CADPS2: variants seen among roughly 807,000 people sequenced by gnomAD.
The protein encoded by CADPS2 is calcium dependent secretion activator 2, also known as calcium-dependent secretion activator 2.
Under a neutral mutation model 172.5 loss-of-function variants are expected in CADPS2, and 93 were observed. That is an observed-to-expected ratio of 0.54 (90% CI 0.46 to 0.64). The LOEUF is 0.64. CADPS2 is among the 30% of genes least tolerant of loss of function. The pLI, the probability that CADPS2 is intolerant of heterozygous loss-of-function variation, is 0.00. For synonymous variants in CADPS2, 546 were observed against 555.2 expected (o/e 0.98, Z 0.23); for missense variants, 1,420 against 1,565.9 (o/e 0.91, Z 1.57).
At chr7:122,437,239 G>A (rs945912203) in intron 17 of CADPS2, among the ~76,000 whole-genome samples, 6 of 152,086 alleles carry the variant, frequency 3.9e-5, no homozygotes, top group Admixed American at 2.6e-4. Context: ...AGTTAAAATG[G>A]TAACTAAGGA....
rs1444799384 is a variant in CADPS2, at chr7:122,409,753, T to C, written c.2590-2057A>G. 3.2e-5 allele frequency: 13 copies of C among 404,970 alleles called. No individual in the cohort carries two copies. The East Asian group carries it at 8.9e-4, about 28-fold the overall frequency. The allele number at this position is 404,970 out of a possible 1,614,324, so 25.1% of individuals were successfully genotyped here. A position where few individuals can be genotyped will look rare whatever the true frequency, so the allele number is the denominator to read the frequency against. ...CCTTCTCTTTCTTGCCATCCCACCC[T>C]GGGTTGGTAGGAAGATGAGGGGCTG... On this transcript the variant is annotated intron_variant, in intron 19 of 29. Coordinates refer to ENST00000449022, the MANE Select transcript of CADPS2 (RefSeq NM_017954.11).
intron 20 of CADPS2, among the ~76,000 whole-genome samples, chr7:122,404,066 C>T (rs987428576): frequency 6.6e-6 from 1 of 152,076 alleles, no homozygotes; most frequent in African/African-American, 2.4e-5. Flanking sequence ...TATGTATACA[C>T]GTGCCATGCT....
chr7:122,851,153 T>C (rs1813472649), intron 1 of CADPS2, among the ~76,000 whole-genome samples: 1 of 152,124 alleles, frequency 6.6e-6, no homozygotes, highest in Non-Finnish European at 1.5e-5. Context: ...GCAAAAGACA[T>C]CTTGCAGTAG....
At chr7:122,343,024 C>T (rs1261961079) in intron 28 of CADPS2, among the ~76,000 whole-genome samples, 1 of 152,148 alleles carries the variant, frequency 6.6e-6, no homozygotes, top group Non-Finnish European at 1.5e-5. Flanking sequence ...TTAAGATACA[C>T]ATTCTACTTT....
chr7:122,803,129 G>A (rs1187157428), intron 1 of CADPS2, among the ~76,000 whole-genome samples: 1 of 151,922 alleles, frequency 6.6e-6, no homozygotes, highest in East Asian at 1.9e-4. Flanking sequence ...TATTACCTTT[G>A]TCACAACATA....
intron 28 of CADPS2, among the ~76,000 whole-genome samples, chr7:122,338,726 C>G (rs531029437): frequency 2.7e-4 from 41 of 152,106 alleles, no homozygotes; most frequent in Non-Finnish European, 2.9e-5. Flanking sequence ...AAGAGGAAAA[C>G]TGCTATTTTA....
intron 13 of CADPS2, among the ~76,000 whole-genome samples, chr7:122,472,807 TAAAC>T (rs1371342612): frequency 2.6e-5 from 4 of 152,138 alleles, no homozygotes; most frequent in African/African-American, 9.7e-5. Context: ...TTATACTTAA[TAAAC>T]AATCTATAAA....
At chr7:122,664,959 GTAT>G (rs1423980184) in intron 2 of CADPS2, among the ~76,000 whole-genome samples, 3 of 80,788 alleles carry the variant, frequency 3.7e-5, no homozygotes, top group East Asian at 3.8e-4. Context: ...GCTAGTTTTT[GTAT>G]TTTTTTTTTT....
chr7:122,451,102 CTA>C (rs1563373051), intron 15 of CADPS2, among the ~76,000 whole-genome samples: 2 of 152,000 alleles, frequency 1.3e-5, no homozygotes, highest in Non-Finnish European at 2.9e-5. Context: ...GGGGAAGAGA[CTA>C]TGCAAGAATG....
chr7:122,543,586 A>C (rs2063318961), intron 8 of CADPS2, among the ~76,000 whole-genome samples: 1 of 152,128 alleles, frequency 6.6e-6, no homozygotes, highest in African/African-American at 2.4e-5. Flanking sequence ...CAAGAAGTTG[A>C]TCTGAGCTGG....
At chr7:122,718,021 A>T (rs1285643999) in intron 2 of CADPS2, among the ~76,000 whole-genome samples, 1 of 106,490 alleles carries the variant, frequency 9.4e-6, no homozygotes, top group East Asian at 2.9e-4. Context: ...GTAGAGACAA[A>T]GTCTCTCTAT....
At chr7:122,738,962 G>A (rs2092333619) in intron 1 of CADPS2, among the ~76,000 whole-genome samples, 1 of 152,014 alleles carries the variant, frequency 6.6e-6, no homozygotes, top group Non-Finnish European at 1.5e-5. Context: ...CCAAGCTGAG[G>A]TGCAGGAACA....
chr7:122,618,208 A>C, intron 5 of CADPS2, among the ~76,000 whole-genome samples: 1 of 152,186 alleles, frequency 6.6e-6, no homozygotes, highest in East Asian at 1.9e-4. Flanking sequence ...TTTCTTCTGA[A>C]GCCTTAATGA....
chr7:122,839,360 T>C (rs896756583), intron 1 of CADPS2, among the ~76,000 whole-genome samples: 7 of 152,266 alleles, frequency 4.6e-5, no homozygotes, highest in Admixed American at 6.5e-5. Context: ...ATTCAGGACA[T>C]AGGCATGGGC....
intron 7 of CADPS2, among the ~76,000 whole-genome samples, chr7:122,575,254 C>T (rs912693464): frequency 1.3e-5 from 2 of 151,676 alleles, no homozygotes; most frequent in African/African-American, 4.8e-5. Flanking sequence ...ATGTATGATC[C>T]TGGATTCTAT....
chr7:122,738,518 C>CTGA (rs2092303055), intron 1 of CADPS2, among the ~76,000 whole-genome samples: 1 of 151,938 alleles, frequency 6.6e-6, no homozygotes. Context: ...TCATTCGATC[C>CTGA]TGATCAGACT....
At chr7:122,540,923 A>T (rs1348898548) in intron 8 of CADPS2, among the ~76,000 whole-genome samples, 2 of 152,108 alleles carry the variant, frequency 1.3e-5, no homozygotes, top group Non-Finnish European at 2.9e-5. Flanking sequence ...TTAAGAAATA[A>T]TTTTTAACCC....
At chr7:122,570,119 T>C (rs1417195112) in intron 7 of CADPS2, among the ~76,000 whole-genome samples, 3 of 148,946 alleles carry the variant, frequency 2.0e-5, no homozygotes, top group East Asian at 3.9e-4. Context: ...GAGAAAATTT[T>C]CGCAACCTAC....
chr7:122,516,366 C>A (rs560027394), intron 8 of CADPS2, among the ~76,000 whole-genome samples: 15 of 152,022 alleles, frequency 9.9e-5, no homozygotes, highest in Non-Finnish European at 2.2e-4. Flanking sequence ...CAGACTCTGT[C>A]TGTACAAAAA....
Sources: allele counts gnomAD v4.1 joint callset (sites outside exome capture counted in the v4.1 genomes callset), GRCh38; gene constraint gnomAD v4.1.1; transcripts MANE v1.5; gene names NCBI Gene and HGNC (gene_info 2026-07-23, HGNC 2026-07-21).